Variants in HOATZ observed in about 807,000 individuals in gnomAD.
HOATZ encodes the protein HOATZ cilia and flagella associated protein.
In HOATZ, 26 loss-of-function variants were observed where a neutral mutation model predicts 24.9. That is an observed-to-expected ratio of 1.04 (90% CI 0.76 to 1.45). The LOEUF (loss-of-function observed/expected upper bound fraction) is 1.45. HOATZ is among the 40% of genes most tolerant of loss of function. HOATZ has a pLI of 0.00. For missense variants in HOATZ, 226 were observed against 201.5 expected (o/e 1.12, Z -0.74); for synonymous variants, 83 against 76.6 (o/e 1.08, Z -0.43).
chr11:111,523,205 C>CTTTTTTTTTTTTTTTTT (rs747393521), intron 3 of HOATZ, among the ~76,000 whole-genome samples: 1 of 94,270 alleles, frequency 1.1e-5, no homozygotes, highest in Non-Finnish European at 2.2e-5. Context: ...TAAGTGTTCA[C>CTTTTTTTTTTTTTTTTT]TTTTTTTTTT....
rs527401399 is a variant in HOATZ, at chr11:111,515,558, T to C, written c.268+6T>C. 6.2e-7 allele frequency: 1 copy of C among 1,611,218 alleles called. No homozygotes were observed. Among genetic ancestry groups the C allele is most frequent in the African/African-American group, 1.3e-5 (1 of 75,010 alleles). On this transcript the variant is annotated splice_donor_region_variant and intron_variant, in intron 2 of 5. Transcript: ENST00000375618. ...TTTTCACCTTGCGAGTAACAGTAAG[T>C]ACCAAGTTTTATGCCTTTCAACATT...
intron 3 of HOATZ, chr11:111,524,821 C>T (rs1867315556): frequency 2.4e-6 from 1 of 425,284 alleles, no homozygotes; most frequent in Non-Finnish European, 4.6e-6. Flanking sequence ...TTGATATAAA[C>T]TTTGATGAAC....
intron 1 of HOATZ, 76 bp downstream of exon 1, chr11:111,515,086 A>G: frequency 1.0e-6 from 1 of 978,616 alleles, no homozygotes; most frequent in South Asian, 1.3e-5. Flanking sequence ...AGCCCTTTCC[A>G]GGAGAAACTG....
chr11:111,533,688 G>A (rs1019830720), intron 3 of HOATZ, 58 bp from the exon 4 acceptor site: 24 of 1,165,904 alleles, frequency 2.1e-5, no homozygotes, highest in African/African-American at 7.9e-5. Context: ...TCTACCTTTC[G>A]TAGGCGTAAG....
intron 4 of HOATZ, 54 bp downstream of exon 4, chr11:111,533,859 C>G: frequency 1.1e-5 from 15 of 1,320,874 alleles, no homozygotes; most frequent in Non-Finnish European, 1.5e-5. Context: ...TGAATTGTGG[C>G]AAATTTTGCA....
chr11:111,526,140 A>G (rs1255187695), intron 3 of HOATZ, among the ~76,000 whole-genome samples: 1 of 152,200 alleles, frequency 6.6e-6, no homozygotes, highest in Non-Finnish European at 1.5e-5. Context: ...AGCATGTGCA[A>G]AGACCCTCTT....
chr11:111,534,830 G>A (rs915595496), intron 5 of HOATZ: 6 of 198,494 alleles, frequency 3.0e-5, no homozygotes, highest in Admixed American at 1.7e-4. Flanking sequence ...GAATCAGCAC[G>A]TGTTTGTGGC....
chr11:111,517,726 A>G lies in HOATZ; in HGVS notation c.339+1616A>G, dbSNP rs563290319. The stretch of plus-strand genomic sequence containing the variant: ...ATACTATGAGAACACATTGAGGGAC[A>G]TCAAAATCAAGTGTAACAAATCAAG... On this transcript the variant is annotated intron_variant, in intron 3 of 5. Transcript: ENST00000375618. 4.1e-4 allele frequency among the ~76,000 whole-genome samples: 63 copies of G among 152,362 alleles called. No homozygotes were observed. In the South Asian group the frequency reaches 0.013, roughly 31 times the overall value.
At chr11:111,524,834 C>A in intron 3 of HOATZ, 1 of 431,138 alleles carries the variant, frequency 2.3e-6, no homozygotes, top group East Asian at 7.3e-5. Flanking sequence ...TGATGAACAG[C>A]TTTTTAAAGA....
intron 5 of HOATZ, chr11:111,535,095 T>G (rs2135783247): frequency 6.6e-6 from 1 of 152,342 alleles, no homozygotes; most frequent in East Asian, 1.9e-4. Context: ...AATATTTATT[T>G]TCATACCACA....
intron 2 of HOATZ, among the ~76,000 whole-genome samples, 200 bp from the exon 3 acceptor site, chr11:111,515,840 G>A (rs540118435): frequency 2.6e-5 from 4 of 152,204 alleles, no homozygotes; most frequent in South Asian, 2.1e-4. Context: ...GAGATTAGAG[G>A]TTCCCTGCAG....
chr11:111,534,351 A>G (rs1867425378), intron 4 of HOATZ, 61 bp from the exon 5 acceptor site: 2 of 1,218,862 alleles, frequency 1.6e-6, no homozygotes, highest in Admixed American at 3.6e-5. Flanking sequence ...AAATGAGTAA[A>G]TTCCAATCAG....
At chr11:111,534,655 G>A in intron 5 of HOATZ, 191 bp downstream of exon 5, 1 of 586,626 alleles carries the variant, frequency 1.7e-6, no homozygotes, top group South Asian at 2.2e-5. Context: ...TTGTCTGTCT[G>A]TGGAATATGC....
At chr11:111,523,062 A>G (rs1007074374) in intron 3 of HOATZ, among the ~76,000 whole-genome samples, 1 of 152,216 alleles carries the variant, frequency 6.6e-6, no homozygotes, top group Non-Finnish European at 1.5e-5. Flanking sequence ...CTGGGCAACA[A>G]GAGCGAGACT....
chr11:111,515,589 T>C, intron 2 of HOATZ, 37 bp downstream of exon 2: 1 of 1,547,738 alleles, frequency 6.5e-7, no homozygotes, highest in Non-Finnish European at 8.9e-7. Flanking sequence ...ACATTCTGAC[T>C]CCTAGGTTCA....
chr11:111,523,895 T>C (rs1867300842), intron 3 of HOATZ, among the ~76,000 whole-genome samples: 1 of 152,212 alleles, frequency 6.6e-6, no homozygotes, highest in Non-Finnish European at 1.5e-5. Context: ...TTTCTTTAAT[T>C]CTCTAGGACC....
intron 3 of HOATZ, among the ~76,000 whole-genome samples, chr11:111,525,698 AT>A (rs1867331721): frequency 1.3e-5 from 2 of 152,352 alleles, no homozygotes; most frequent in East Asian, 3.9e-4. Context: ...GGAGAATTTT[AT>A]TTGGAAGAAT....
At chr11:111,516,164 T>A in intron 3 of HOATZ, 54 bp downstream of exon 3, 1 of 1,180,932 alleles carries the variant, frequency 8.5e-7, no homozygotes, top group Non-Finnish European at 1.2e-6. Context: ...CTAAATAATC[T>A]TGATTTTTTA....
intron 3 of HOATZ, among the ~76,000 whole-genome samples, chr11:111,529,397 C>T (rs1328062387): frequency 6.6e-6 from 1 of 152,054 alleles, no homozygotes; most frequent in African/African-American, 2.4e-5. Context: ...CAGAGTCTCA[C>T]TCTGTCGCCA....
Sources: gnomAD v4.1 joint callset for allele counts (sites outside exome capture counted in the v4.1 genomes callset) on GRCh38, gnomAD v4.1.1 for gene constraint, MANE v1.5 for transcripts, NCBI Gene and HGNC (gene_info 2026-07-23, HGNC 2026-07-21) for gene names.